Variants in OPLAH observed in about 807,000 individuals in gnomAD.
OPLAH encodes the protein 5-oxoprolinase.
In OPLAH, 103 loss-of-function variants were observed where a neutral mutation model predicts 122.8. That is an observed-to-expected ratio of 0.84 (90% CI 0.71 to 0.99). The LOEUF (loss-of-function observed/expected upper bound fraction) is 0.99, where lower values mean the gene tolerates loss of function less well. OPLAH is among the 50% of genes least tolerant of loss of function. OPLAH has a pLI of 0.00. For missense variants in OPLAH, 1,902 were observed against 1,836.5 expected (o/e 1.04, Z -0.65); for synonymous variants, 875 against 796.0 (o/e 1.10, Z -1.67).
Position 144,058,987 on chromosome 8 carries a change from A to G in OPLAH, c.456T>C (p.Pro152=). 6.4e-7 allele frequency: 1 copy of G among 1,563,912 alleles called. No individual in the cohort carries two copies. Among genetic ancestry groups the G allele is most frequent in the Non-Finnish European group, 8.7e-7 (1 of 1,155,910 alleles). ...LHRGEAGTGT[P]VKGRTGDLLE... ...CAGCGGCGGCACACACACCTTTCAC[A>G]GGCGTCCCGGTGCCCGCCTCTCCAC... is the stretch of plus-strand genomic sequence containing the variant. The change falls in exon 4 of 27, where the codon CCT becomes CCC. Residue 152 remains proline, a synonymous_variant. Transcript: ENST00000618853.
Position 144,052,191 on chromosome 8 carries a change from C to G in OPLAH, c.3439G>C (p.Asp1147His). ...CACCGGCTCTCCAGGATCTCAGGGT[C>G]GGTGATGCGTGTGTTGGTCATGTGG... ...HSHMTNTRIT[D>H]PEILESRYPV... is the part of the protein sequence containing the mutation. The change falls in exon 24 of 27, where the codon GAC becomes CAC. Residue 1147 changes from aspartate to histidine, a missense_variant. By Grantham distance (81) the Asp-to-His change is moderately conservative. Around this residue, in one of 3 missense-constraint regions of OPLAH, gnomAD observed 1,726 missense variants for 1,642.1 expected, o/e 1.05. Transcript: ENST00000618853. 1.3e-6 allele frequency: 2 copies of G among 1,579,296 alleles called. No individual in the cohort carries two copies. The highest frequency in any genetic ancestry group is 1.7e-6 in the Non-Finnish European group (2 of 1,165,922).
chr8:144,051,009 A>C, downstream of OPLAH: 1 of 1,121,564 alleles, frequency 8.9e-7, no homozygotes, highest in East Asian at 5.1e-5. Flanking sequence ...CCGCCGAGCT[A>C]AGCCCTGGAG....
chr8:144,059,136 C>T, intron 3 of OPLAH, 57 bp from the exon 4 acceptor site: 1 of 1,379,582 alleles, frequency 7.2e-7, no homozygotes, highest in Non-Finnish European at 1.0e-6. Flanking sequence ...GGCCGGGGTC[C>T]TGTGTGAGTG....
At chr8:144,053,642 T>C (rs1204335504) in intron 19 of OPLAH, among the ~76,000 whole-genome samples, 1 of 151,948 alleles carries the variant, frequency 6.6e-6, no homozygotes, top group Non-Finnish European at 1.5e-5. Flanking sequence ...CCAGCTCACA[T>C]TGACCAAGGG....
rs782363249 is a variant in OPLAH at position 144,058,128 on chromosome 8, G to A, written c.970C>T (p.Arg324Cys). The change falls in exon 8 of 27, where the codon CGC (arginine) becomes TGC (cysteine). Residue 324 changes from arginine to cysteine, a missense_variant. By Grantham distance (180) the Arg-to-Cys change is radical. Around this residue, in one of 3 missense-constraint regions of OPLAH, gnomAD observed 1,726 missense variants for 1,642.1 expected, o/e 1.05. Transcript: ENST00000618853. ...ACGTGCTCGAATTCCCCAGCATAGCGGCTCACATCCGTGGACGTGCCTGGC... is the reference window on the plus strand; with the variant it reads ...ACGTGCTCGAATTCCCCAGCATAGCAGCTCACATCCGTGGACGTGCCTGGC... ...DMGGTSTDVS[R>C]YAGEFEHVFE... is the part of the protein sequence containing the mutation. The A allele has an allele frequency of 3.2e-5, 52 of 1,612,356 alleles. No individual in the cohort carries two copies. Among genetic ancestry groups the A allele is most frequent in the Non-Finnish European group, 3.8e-5 (45 of 1,179,828 alleles).
rs1554757857 is a variant in OPLAH, at chr8:144,052,249, A to ACCCGCG, written c.3375_3380dup (p.Ala1126_Gly1127dup). 2.6e-6 allele frequency: 4 copies of ACCCGCG among 1,546,840 alleles called. No homozygotes were observed. Among genetic ancestry groups the ACCCGCG allele is most frequent in the Admixed American group, 1.9e-5 (1 of 51,504 alleles). On this transcript the variant is annotated inframe_insertion, in exon 24 of 27. Transcript: ENST00000618853. ...CACCGCTGCGCCCGTGCCAGCTGGG[A>ACCCGCG]CCCGCGCCCGCGCCGCCCGCCACCG...
chr8:144,061,895 T>A (rs371054075), upstream of OPLAH, among the ~76,000 whole-genome samples: 3 of 151,368 alleles, frequency 2.0e-5, no homozygotes, highest in East Asian at 3.9e-4. Context: ...TGGCACGCAC[T>A]TGTAGTCCCA....
rs568785642 is a variant in OPLAH at position 144,056,972 on chromosome 8, G to A, written c.1682C>T (p.Ala561Val). 47 of 1,584,724 alleles carry A rather than the reference G, an allele frequency of 3.0e-5. No individual in the cohort carries two copies. The East Asian group carries it at 1.1e-3, about 36-fold the overall frequency. The change falls in exon 12 of 27, where the codon GCT becomes GTT. Residue 561 changes from alanine to valine, a missense_variant. Physicochemically the swap from Ala to Val is moderately conservative, Grantham distance 64 (BLOSUM62 0). This residue lies in a region of OPLAH where 1,726 missense variants were observed against 1,642.1 expected (regional missense o/e 1.05). Transcript: ENST00000618853. ...CCTGGGGAAGCCCTGGGCCTGCAGAGCATCCACACACTGCTCCTCCAGGCG... is the reference window on the plus strand; with the variant it reads ...CCTGGGGAAGCCCTGGGCCTGCAGAACATCCACACACTGCTCCTCCAGGCG... Reference protein sequence around the residue: ...LSRLEEQCVDALQAQGFPRSQ... With the variant: ...LSRLEEQCVDVLQAQGFPRSQ...
In OPLAH at chr8:144,058,051, G is replaced by A; in HGVS notation, c.1047C>T (p.Ile349=). The change falls in exon 8 of 27, where the codon ATC becomes ATT. Residue 349 remains isoleucine, a synonymous_variant. Coordinates refer to ENST00000618853, the MANE Select transcript of OPLAH (RefSeq NM_017570.5). ...GVTLQAPQLD[I]NTVAAGGGSR... ...AACCCCCTCCCGCTGCCACGGTGTT[G>A]ATGTCCAGCTGCGGGGCCTGGAGGG... 1 of 1,612,576 alleles carries A rather than the reference G, an allele frequency of 6.2e-7. No individual in the cohort carries two copies. The highest frequency in any genetic ancestry group is 1.1e-5 in the South Asian group (1 of 91,082).
chr8:144,053,742 A>G (rs1587554138), intron 19 of OPLAH, among the ~76,000 whole-genome samples: 1 of 150,378 alleles, frequency 6.6e-6, no homozygotes, highest in African/African-American at 2.5e-5. Flanking sequence ...ACCACCCTCC[A>G]CCCTGGCCAC....
In OPLAH at chr8:144,056,239, C is replaced by A. The variant is rs375262758; in HGVS notation, c.2004G>T (p.Glu668Asp). 1.9e-6 allele frequency: 3 copies of A among 1,611,886 alleles called. No homozygotes were observed. Among genetic ancestry groups the A allele is most frequent in the Admixed American group, 3.3e-5 (2 of 60,010 alleles). Residue 668 changes from glutamate (E) to aspartate (D), a missense_variant, in exon 15 of 27, where the codon GAG becomes GAT. Transcript: ENST00000618853. ...ACACAGGGGTCTCCTGGTAGCCCCC[C>A]TCAAAGTAGCACTGGGTCATCTGCA... ...RVDKMTQCYFEGGYQETPVYL... is the reference protein window; with the variant it reads ...RVDKMTQCYFDGGYQETPVYL...
At chr8:144,050,474 A>T (rs1554757455), downstream of OPLAH, 1 of 985,378 alleles carries the variant, frequency 1.0e-6, no homozygotes, top group African/African-American at 1.7e-5. Flanking sequence ...GCAGGAGAGG[A>T]GGGCGAGGAG....
At chr8:144,050,383 G>T, downstream of OPLAH, 9 of 985,054 alleles carry the variant, frequency 9.1e-6, no homozygotes, top group Non-Finnish European at 1.1e-5. Context: ...GTTTGAGGCC[G>T]ACAGAGAACA....
In OPLAH at chr8:144,056,206, C is replaced by T. The variant is rs1233945021; in HGVS notation, c.2037G>A (p.Leu679=). ...GGYQETPVYL[L]AELGYGHKLH... ...GCTTGTGCCCATAGCCCAGCTCTGCCAGCAGGTACACAGGGGTCTCCTGGT... is the reference window on the plus strand; with the variant it reads ...GCTTGTGCCCATAGCCCAGCTCTGCTAGCAGGTACACAGGGGTCTCCTGGT... Residue 679 remains leucine (L), a synonymous_variant, in exon 15 of 27, where the codon CTG becomes CTA. Transcript: ENST00000618853. 2.5e-6 allele frequency: 4 copies of T among 1,612,150 alleles called. No individual in the cohort carries two copies. Among genetic ancestry groups the T allele is most frequent in the Non-Finnish European group, 3.4e-6 (4 of 1,179,458 alleles).
Position 144,051,373 on chromosome 8 carries a change from C to T in OPLAH, c.3820G>A (p.Glu1274Lys), listed in dbSNP as rs371840526. The stretch of plus-strand genomic sequence containing the variant: ...CGATACTCATAGACGCTGCCGTGCT[C>T]GGGAAAGGCCAGTGCTTGCGGGGGC... ...GSPPQALAFPEHGSVYEYRRA... is the reference protein window; with the variant it reads ...GSPPQALAFPKHGSVYEYRRA... The change falls in exon 27 of 27, where the codon GAG (glutamate) becomes AAG (lysine). Residue 1274 changes from glutamate to lysine, a missense_variant. Glu to Lys is a moderately conservative substitution (Grantham distance 56). Transcript: ENST00000618853. The T allele has an allele frequency of 1.1e-4, 173 of 1,607,068 alleles. 1 individual carries two copies. In the East Asian group the frequency reaches 1.4e-3, roughly 13 times the overall value.
rs1554758825 is a variant in OPLAH, at chr8:144,055,794, T to C, written c.2242A>G (p.Ile748Val). Residue 748 changes from isoleucine (I) to valine (V), a missense_variant, in exon 16 of 27, where the codon ATT becomes GTT. Transcript: ENST00000618853. The surrounding 1 kb of genome is among the most constrained non-coding windows in gnomAD (Gnocchi z 6.5). ...CCTGGCAGCGGCCACTCACCAGCAA[T>C]GCTCATGAAGCGGTGTGAGAAGATG... ...LSIFSHRFMS[I>V]AEQMGRILQR... 2 of 1,531,794 alleles carry C rather than the reference T, an allele frequency of 1.3e-6. No individual in the cohort carries two copies. The highest frequency in any genetic ancestry group is 8.8e-7 in the Non-Finnish European group (1 of 1,135,986). 94.9% of individuals were successfully genotyped at this position (1,531,794 alleles called of 1,614,324 possible).
chr8:144,054,966 G>T (rs955016250), intron 17 of OPLAH, 53 bp from the exon 18 acceptor site: 15 of 1,236,368 alleles, frequency 1.2e-5, no homozygotes, highest in South Asian at 1.6e-5. Flanking sequence ...GGGCCAGAGC[G>T]GGGTGGGGGG....
rs1835460763 is a variant in OPLAH at position 144,054,570 on chromosome 8, G to A, written c.2677C>T (p.Gln893Ter). 2 of 1,585,856 alleles carry A rather than the reference G, an allele frequency of 1.3e-6. No individual in the cohort carries two copies. The highest frequency in any genetic ancestry group is 1.1e-5 in the South Asian group (1 of 88,718). ...CCCCACTCCCACTCACCCTCCTCCT[G>A]GAAGACGCCCCCCTGGACAAGTTTG... ...SFKLVQGGVF[Q>*]EEAVTEALRA... The change falls in exon 19 of 27, where the codon CAG (glutamine) becomes TAG (stop). Residue 893 changes from glutamine (Q) to a stop codon, truncating the protein, a stop_gained. Transcript: ENST00000618853. LOFTEE classifies it high-confidence loss of function.
rs782499773 is a variant in OPLAH at position 144,058,340 on chromosome 8, G to C, written c.848C>G (p.Ser283Cys). The C allele has an allele frequency of 2.5e-6, 4 of 1,598,798 alleles. No homozygotes were observed. Among genetic ancestry groups the C allele is most frequent in the South Asian group, 2.2e-5 (2 of 89,888 alleles). ...GLAPMDTFSG[S>C]SAVLSGPAGG... ...GGCCGGGCCCGAGAGCACAGCACTG[G>C]AGCCGCTGAAGGTGTCCATGGGCGC... Residue 283 changes from serine (S) to cysteine (C), a missense_variant, in exon 7 of 27, where the codon TCC becomes TGC. By Grantham distance (112) the Ser-to-Cys change is moderately radical. Transcript: ENST00000618853.
Sources: gnomAD v4.1 joint callset for allele counts (sites outside exome capture counted in the v4.1 genomes callset) on GRCh38, gnomAD v4.1.1 for gene constraint, gnomAD v4.1.1 regional missense constraint, Gnocchi (gnomAD v3.1) non-coding constraint, MANE v1.5 for transcripts, NCBI Gene and HGNC (gene_info 2026-07-23, HGNC 2026-07-21) for gene names.